IGF2R: variants seen among roughly 807,000 people sequenced by gnomAD.
IGF2R encodes the protein insulin like growth factor 2 receptor.
IGF2R carries 91 observed loss-of-function variants against 270.6 expected under a neutral mutation model. That is an observed-to-expected ratio of 0.34 (90% CI 0.28 to 0.40). IGF2R has a LOEUF of 0.40. Among genes scored for constraint, IGF2R ranks in the 10% least tolerant of loss-of-function variants. IGF2R has a pLI of 1.00. For synonymous variants in IGF2R, 1,316 were observed against 1,258.9 expected, an observed-to-expected ratio of 1.05 and a Z score of -0.96; for missense variants, 2,805 against 3,188.3, an observed-to-expected ratio of 0.88 and a Z score of 2.90.
At chr6:159,981,256 CGTGAGTGCGTGTGTGAGTGCACGAGTGT>C (rs1029737208) in intron 1 of IGF2R, among the ~76,000 whole-genome samples, 4 of 151,938 alleles carry the variant, frequency 2.6e-5, no homozygotes, top group Admixed American at 2.6e-4. Context: ...TGTATGTGTG[CGTGAGTGCGTGTGTGAGTGCACGAGTGT>C]GTGAGTGCAA....
Position 160,102,120 on chromosome 6 carries a change from A to G in IGF2R, c.6843-399A>G, listed in dbSNP as rs1276211246. Reference sequence around the variant, plus strand: ...GCTGCGCTCACTGCTTCCAGAAGAAATTCTGAGAGGAAAGAGCTCTGACCC... The same window carrying G: ...GCTGCGCTCACTGCTTCCAGAAGAAGTTCTGAGAGGAAAGAGCTCTGACCC... On this transcript the variant is annotated intron_variant, in intron 45 of 47. Coordinates refer to ENST00000356956, the MANE Select transcript of IGF2R (RefSeq NM_000876.4). The surrounding 1 kb of genome is among the most constrained non-coding windows in gnomAD (Gnocchi z 4.5). 3.9e-5 allele frequency among the ~76,000 whole-genome samples: 6 copies of G among 152,218 alleles called. No individual in the cohort carries two copies. The highest frequency in any genetic ancestry group is 8.8e-5 in the Non-Finnish European group (6 of 68,040).
At chr6:160,052,292 CA>C (rs1451987301) in intron 19 of IGF2R, among the ~76,000 whole-genome samples, 2 of 152,144 alleles carry the variant, frequency 1.3e-5, no homozygotes, top group African/African-American at 2.4e-5. Flanking sequence ...ACACCATTAA[CA>C]GACAAAGAGA....
rs2115271932 is a variant in IGF2R, at chr6:160,070,077, A to G, written c.4443+19A>G. ...CCAAGTGGTAAGGGACTGTTCCTGC[A>G]CCTTCTGCTGTTGCAGCTTTGGGAA... is the stretch of plus-strand genomic sequence containing the variant. On this transcript the variant is annotated intron_variant, in intron 31 of 47. Transcript: ENST00000356956. 1 of 1,611,522 alleles carries G rather than the reference A, an allele frequency of 6.2e-7. No homozygotes were observed. The highest frequency in any genetic ancestry group is 8.5e-7 in the Non-Finnish European group (1 of 1,177,956).
chr6:160,088,941 C>T (rs2114729945), intron 42 of IGF2R, among the ~76,000 whole-genome samples, 166 bp from the exon 43 acceptor site: 1 of 152,318 alleles, frequency 6.6e-6, no homozygotes, highest in South Asian at 2.1e-4. Context: ...CTGCCTAGGC[C>T]TGCGCAGCCC....
intron 4 of IGF2R, among the ~76,000 whole-genome samples, chr6:160,020,050 A>G (rs78729901): frequency 6.6e-6 from 1 of 152,318 alleles, no homozygotes; most frequent in African/African-American, 2.4e-5. Context: ...TCTTATACCT[A>G]GAAAACTCTA....
In IGF2R at chr6:160,107,633, A is replaced by G. The variant is rs1000252903; in HGVS notation, c.*2549A>G. The G allele has an allele frequency of 2.0e-5, 3 of 152,210 alleles. No individual in the cohort carries two copies. Among genetic ancestry groups the G allele is most frequent in the African/African-American group, 7.2e-5 (3 of 41,458 alleles). 9.4% of individuals were successfully genotyped at this position (152,210 alleles called of 1,614,324 possible). On this transcript the variant is annotated 3_prime_UTR_variant, in exon 48 of 48. Transcript: ENST00000356956. The stretch of plus-strand genomic sequence containing the variant: ...TTTCTTGAGACTGTCCATGAATGAC[A>G]GAGACATAGAATAAGAACTGGGGTG...
intron 7 of IGF2R, 58 bp from the exon 8 acceptor site, chr6:160,032,493 C>A (rs1777718733): frequency 5.4e-6 from 8 of 1,478,826 alleles, no homozygotes; most frequent in Non-Finnish European, 7.4e-6. Context: ...TGTGGAAAAT[C>A]TGCATTAAGC....
rs533911312 is a variant in IGF2R at position 160,090,178 on chromosome 6, C to A, written c.6655+75C>A. ...GGGGATTAAAATTTTCAACTAACTC[C>A]CTTCAGTTGAAATCTCGGACCACTT... On this transcript the variant is annotated intron_variant, in intron 44 of 47. Transcript: ENST00000356956. 37 of 1,058,800 alleles carry A rather than the reference C, an allele frequency of 3.5e-5. No homozygotes were observed. The African/African-American group carries it at 5.9e-4, about 17-fold the overall frequency. 65.6% of individuals were successfully genotyped at this position (1,058,800 alleles called of 1,614,324 possible). A position where few individuals can be genotyped will look rare whatever the true frequency, so the allele number is the denominator to read the frequency against.
intron 44 of IGF2R, 118 bp downstream of exon 44, chr6:160,090,221 G>A (rs1006155356): frequency 6.4e-6 from 4 of 625,544 alleles, no homozygotes; most frequent in Non-Finnish European, 1.0e-5. Flanking sequence ...AAAAACCTTG[G>A]TCTAATTCTT....
chr6:160,106,973 G>A lies in IGF2R; in HGVS notation c.*1889G>A, dbSNP rs561662574. 6.6e-6 allele frequency: 1 copy of A among 152,324 alleles called. No homozygotes were observed. Among genetic ancestry groups the A allele is most frequent in the East Asian group, 1.9e-4 (1 of 5,186 alleles). The allele number at this position is 152,324 out of a possible 1,614,324, so 9.4% of individuals were successfully genotyped here. On this transcript the variant is annotated 3_prime_UTR_variant, in exon 48 of 48. Coordinates refer to ENST00000356956, the MANE Select transcript of IGF2R (RefSeq NM_000876.4). The stretch of plus-strand genomic sequence containing the variant: ...GTGACTGAGAGCTACCTGCATGGAA[G>A]CAGGAAGTTACTCCAGTGTTATAAA...
chr6:160,102,367 G>C lies in IGF2R; in HGVS notation c.6843-152G>C. 1 of 837,160 alleles carries C rather than the reference G, an allele frequency of 1.2e-6. No individual in the cohort carries two copies. Among genetic ancestry groups the C allele is most frequent in the Non-Finnish European group, 1.9e-6 (1 of 523,374 alleles). 51.9% of individuals were successfully genotyped at this position (837,160 alleles called of 1,614,324 possible). On this transcript the variant is annotated intron_variant, in intron 45 of 47. Transcript: ENST00000356956. This position sits in a 1 kb window ranked among gnomAD's most constrained non-coding sequence, Gnocchi z 4.5. ...TGCAGCCCTCTTCCATGTGGAGTGG[G>C]ACTTGTGGCCTTGTTTTCTGGGCAG...
chr6:160,035,934 C>G (rs935632889), intron 10 of IGF2R, among the ~76,000 whole-genome samples: 6 of 152,150 alleles, frequency 3.9e-5, no homozygotes, highest in Admixed American at 3.3e-4. Flanking sequence ...AGCCACACTA[C>G]ATTGAGGAGC....
Position 160,084,899 on chromosome 6 carries a change from G to C in IGF2R, c.6069-96G>C, listed in dbSNP as rs765983185. 5.1e-5 allele frequency: 62 copies of C among 1,219,212 alleles called. No individual in the cohort carries two copies. Among genetic ancestry groups the C allele is most frequent in the Non-Finnish European group, 7.0e-5 (61 of 866,352 alleles). 75.5% of individuals were successfully genotyped at this position (1,219,212 alleles called of 1,614,324 possible). A position where few individuals can be genotyped will look rare whatever the true frequency, so the allele number is the denominator to read the frequency against. ...GATGGAATGGAGCCCTTAGTTATCA[G>C]AACCTTTCTCTGAAAGTAAAGTGAA... On this transcript the variant is annotated intron_variant, in intron 40 of 47. Coordinates refer to ENST00000356956, the MANE Select transcript of IGF2R (RefSeq NM_000876.4). This position sits in a 1 kb window ranked among gnomAD's most constrained non-coding sequence, Gnocchi z 4.6.
intron 41 of IGF2R, among the ~76,000 whole-genome samples, chr6:160,086,287 C>T (rs955627465): frequency 6.6e-6 from 1 of 152,216 alleles, no homozygotes; most frequent in Non-Finnish European, 1.5e-5. Flanking sequence ...GCATCCTGAG[C>T]ACCTGCTGAC....
Position 160,105,149 on chromosome 6 carries a change from C to A in IGF2R, c.*65C>A, listed in dbSNP as rs1192028190. On this transcript the variant is annotated 3_prime_UTR_variant, in exon 48 of 48. Coordinates refer to ENST00000356956, the MANE Select transcript of IGF2R (RefSeq NM_000876.4). ...GCCAAGCACCTCCAACCAAATAAGA[C>A]TTCCACTCGATGATGCTTCTATAAT... is the stretch of plus-strand genomic sequence containing the variant. 85 of 1,330,778 alleles carry A rather than the reference C, an allele frequency of 6.4e-5. 1 individual carries two copies. Among genetic ancestry groups the A allele is most frequent in the Non-Finnish European group, 2.0e-6 (2 of 988,586 alleles). The allele number at this position is 1,330,778 out of a possible 1,614,324, so 82.4% of individuals were successfully genotyped here. A position where few individuals can be genotyped will look rare whatever the true frequency, so the allele number is the denominator to read the frequency against.
In IGF2R at chr6:160,022,013, A is replaced by AACACACACACAC. The variant is rs58646750; in HGVS notation, c.514-2542_514-2531dup. The stretch of plus-strand genomic sequence containing the variant: ...CCCACCAACGGATGACTAGGTAAAG[A>AACACACACACAC]ACACACACACACACACACACACACA... On this transcript the variant is annotated intron_variant, in intron 4 of 47. Coordinates refer to ENST00000356956, the MANE Select transcript of IGF2R (RefSeq NM_000876.4). 6.8e-3 allele frequency among the ~76,000 whole-genome samples: 967 copies of AACACACACACAC among 142,824 alleles called. 19 individuals carry two copies. The highest frequency in any genetic ancestry group is 0.024 in the African/African-American group (920 of 39,006). 93.7% of individuals were successfully genotyped at this position (142,824 alleles called of 152,430 possible). A position where few individuals can be genotyped will look rare whatever the true frequency, so the allele number is the denominator to read the frequency against.
chr6:160,102,734 G>T lies in IGF2R; in HGVS notation c.6995+63G>T. Reference sequence around the variant, plus strand: ...CATGCCTCCCATAGCTAATCTTGGGGTCAGTTTTGTGGGGTTTTATTTATT... The same window carrying T: ...CATGCCTCCCATAGCTAATCTTGGGTTCAGTTTTGTGGGGTTTTATTTATT... On this transcript the variant is annotated intron_variant, in intron 46 of 47. Transcript: ENST00000356956. The surrounding 1 kb of genome is among the most constrained non-coding windows in gnomAD (Gnocchi z 4.5). 1 of 1,501,276 alleles carries T rather than the reference G, an allele frequency of 6.7e-7. No homozygotes were observed. Among genetic ancestry groups the T allele is most frequent in the Non-Finnish European group, 9.0e-7 (1 of 1,107,766 alleles). 93.0% of individuals were successfully genotyped at this position (1,501,276 alleles called of 1,614,324 possible).
intron 44 of IGF2R, chr6:160,093,237 C>G: frequency 6.1e-6 from 1 of 164,498 alleles, no homozygotes; most frequent in Non-Finnish European, 1.3e-5. Flanking sequence ...CAGAGTTTTT[C>G]CCGGGGCTCT....
chr6:159,973,964 T>C (rs908543527), intron 1 of IGF2R, among the ~76,000 whole-genome samples: 3 of 152,218 alleles, frequency 2.0e-5, no homozygotes, highest in Non-Finnish European at 4.4e-5. Context: ...CTCCTTTTCT[T>C]CTTTGGATTG....
Sources: gnomAD v4.1 joint callset for allele counts (sites outside exome capture counted in the v4.1 genomes callset) on GRCh38, gnomAD v4.1.1 for gene constraint, Gnocchi (gnomAD v3.1) non-coding constraint, MANE v1.5 for transcripts, NCBI Gene and HGNC (gene_info 2026-07-23, HGNC 2026-07-21) for gene names.